NSUN7: variants seen among roughly 807,000 people sequenced by gnomAD.
The protein encoded by NSUN7 is NOP2/Sun RNA methyltransferase family member 7.
A neutral mutation model predicts 58.5 loss-of-function variants in NSUN7; 39 were observed. The observed-to-expected ratio is 0.67, with a 90% CI of 0.52 to 0.87. The LOEUF (loss-of-function observed/expected upper bound fraction) is 0.87. Ranked by LOEUF, NSUN7 falls within the 40% of genes least tolerant of loss-of-function variation. NSUN7 has a pLI of 0.00. For synonymous variants in NSUN7, 278 were observed against 303.7 expected, an observed-to-expected ratio of 0.92 and a Z score of 0.88; for missense variants, 765 against 844.1, an observed-to-expected ratio of 0.91 and a Z score of 1.16.
At position 40,774,319 on chromosome 4, in the gene NSUN7, C is replaced by T; in HGVS notation, c.543C>T (p.Ala181=). The change falls in exon 5 of 12, where the codon GCC becomes GCT. Residue 181 remains alanine (A), a synonymous_variant. Coordinates refer to ENST00000381782, the MANE Select transcript of NSUN7 (RefSeq NM_024677.6). Reference sequence around the variant, plus strand: ...CAAGATGTCGAATCAAGCATGATGCCCTTTCAATTTACCACATCCTTCCAG... The same window carrying T: ...CAAGATGTCGAATCAAGCATGATGCTCTTTCAATTTACCACATCCTTCCAG... ...ALARCRIKHD[A]LSIYHILPET... is the part of the protein sequence containing the mutation. The T allele has an allele frequency of 6.2e-7, 1 of 1,613,870 alleles. No homozygotes were observed. Among genetic ancestry groups the T allele is most frequent in the Admixed American group, 1.7e-5 (1 of 60,006 alleles).
intron 9 of NSUN7, among the ~76,000 whole-genome samples, chr4:40,798,232 G>C (rs1743406881): frequency 6.6e-6 from 1 of 152,168 alleles, no homozygotes; most frequent in Non-Finnish European, 1.5e-5. Flanking sequence ...AAGGATTTTT[G>C]TTTGTGTTAT....
chr4:40,760,412 A>G (rs767127603), intron 2 of NSUN7, 22 bp from the exon 3 acceptor site: 3 of 1,592,966 alleles, frequency 1.9e-6, no homozygotes, highest in Non-Finnish European at 2.6e-6. Context: ...TTTCAGTAAC[A>G]GGCCTTTCCC....
At chr4:40,776,291 A>G in intron 7 of NSUN7, 32 bp downstream of exon 7, 1 of 1,420,900 alleles carries the variant, frequency 7.0e-7, no homozygotes, top group South Asian at 1.3e-5. Flanking sequence ...TTTGGTGATT[A>G]TTGTTCTGCA....
intron 10 of NSUN7, among the ~76,000 whole-genome samples, chr4:40,800,670 G>T (rs1357034907): frequency 1.3e-5 from 2 of 151,922 alleles, no homozygotes; most frequent in Non-Finnish European, 2.9e-5. Context: ...TATATATCTT[G>T]TTCTTTATTT....
At chr4:40,791,765 G>A (rs957208827) in intron 8 of NSUN7, among the ~76,000 whole-genome samples, 9 of 152,170 alleles carry the variant, frequency 5.9e-5, no homozygotes, top group African/African-American at 2.2e-4. Context: ...AGGGAAAAGA[G>A]CTAATATTTA....
At position 40,756,741 on chromosome 4, in the gene NSUN7, T is replaced by C. The variant is rs73144620; in HGVS notation, c.299-3693T>C. ...GTTGTGGAGATTAAATGAATTAATA[T>C]ATGAAATGCACTTAGAACATTGTCA... On this transcript the variant is annotated intron_variant, in intron 2 of 11. Transcript: ENST00000381782. 3.0e-3 allele frequency among the ~76,000 whole-genome samples: 456 copies of C among 152,266 alleles called. 4 individuals are homozygous for C. The highest frequency in any genetic ancestry group is 0.011 in the African/African-American group (439 of 41,534).
intron 8 of NSUN7, among the ~76,000 whole-genome samples, chr4:40,791,195 A>G (rs1743059460): frequency 6.6e-6 from 1 of 152,370 alleles, no homozygotes; most frequent in East Asian, 1.9e-4. Context: ...TTAAATCATT[A>G]TCAGATTATT....
At chr4:40,756,059 A>G (rs1323086846) in intron 2 of NSUN7, among the ~76,000 whole-genome samples, 1 of 152,152 alleles carries the variant, frequency 6.6e-6, no homozygotes, top group East Asian at 1.9e-4. Flanking sequence ...TCAGAGACCA[A>G]GCCGATACTG....
In NSUN7 at chr4:40,798,452, A is replaced by T. The variant is rs1041722415; in HGVS notation, c.1283-335A>T. Among the ~76,000 whole-genome samples the T allele has an allele frequency of 2.0e-5, 3 of 152,246 alleles. No homozygotes were observed. The East Asian group carries it at 5.8e-4, about 29-fold the overall frequency. ...GTCTGTTTCTAGAGTCCTTTAAACT[A>T]TTTAGGCAATATCGCTTGTAGAAGA... On this transcript the variant is annotated intron_variant, in intron 9 of 11. Coordinates refer to ENST00000381782, the MANE Select transcript of NSUN7 (RefSeq NM_024677.6).
At position 40,779,163 on chromosome 4, in the gene NSUN7, TA is replaced by T. The variant is rs113768278; in HGVS notation, c.1036+2914del. Among the ~76,000 whole-genome samples the T allele has an allele frequency of 1.6e-4, 24 of 147,604 alleles. No individual in the cohort carries two copies. In the East Asian group the frequency reaches 1.8e-3, roughly 11 times the overall value. On this transcript the variant is annotated intron_variant, in intron 7 of 11. Transcript: ENST00000381782. ...AGTGAGACACTGTCTCTACTAAAAA[TA>T]AAAAAAAAATAGCTGGATGTAGTGA...
At chr4:40,783,843 AT>A (rs199566352) in intron 7 of NSUN7, among the ~76,000 whole-genome samples, 3 of 150,844 alleles carry the variant, frequency 2.0e-5, no homozygotes, top group African/African-American at 7.3e-5. Context: ...GCGAGAATCC[AT>A]TTAAAAAAAA....
chr4:40,768,104 G>A (rs929238946), intron 4 of NSUN7, among the ~76,000 whole-genome samples: 1 of 152,082 alleles, frequency 6.6e-6, no homozygotes, highest in African/African-American at 2.4e-5. Flanking sequence ...TGCCTTCTAG[G>A]GCTTGAGACT....
intron 7 of NSUN7, among the ~76,000 whole-genome samples, chr4:40,779,497 A>G (rs1236413053): frequency 6.6e-6 from 1 of 152,112 alleles, no homozygotes; most frequent in South Asian, 2.1e-4. Flanking sequence ...CCAGCTACTC[A>G]TGAGGCTGAG....
At chr4:40,768,728 G>T (rs575778197) in intron 4 of NSUN7, among the ~76,000 whole-genome samples, 2 of 151,988 alleles carry the variant, frequency 1.3e-5, no homozygotes, top group Admixed American at 1.3e-4. Flanking sequence ...CATATGAAAG[G>T]TCTTTAAGAA....
chr4:40,790,446 G>A (rs79583798), intron 7 of NSUN7, among the ~76,000 whole-genome samples, 156 bp from the exon 8 acceptor site: 43,711 of 152,056 alleles, frequency 0.29, 6,688 homozygotes, highest in Non-Finnish European at 0.34. Flanking sequence ...ACTTTGGGTA[G>A]ATATCAGAGA....
intron 7 of NSUN7, among the ~76,000 whole-genome samples, chr4:40,780,802 TATATA>T (rs1742510039): frequency 1.9e-5 from 2 of 102,912 alleles, no homozygotes; most frequent in Non-Finnish European, 3.9e-5. Context: ...CATATATATA[TATATA>T]TATATATTTT....
Position 40,791,514 on chromosome 4 carries a change from G to A in NSUN7, c.1180+769G>A, listed in dbSNP as rs555583950. Among the ~76,000 whole-genome samples the A allele has an allele frequency of 1.1e-4, 16 of 152,232 alleles. No individual in the cohort carries two copies. In the East Asian group the frequency reaches 2.3e-3, roughly 22 times the overall value. On this transcript the variant is annotated intron_variant, in intron 8 of 11. Coordinates refer to ENST00000381782, the MANE Select transcript of NSUN7 (RefSeq NM_024677.6). ...TCCTAGGATCATTGGGCTAGTAAGAGGCAGAGCTTGGATTCAAATACAACC... is the reference window on the plus strand; with the variant it reads ...TCCTAGGATCATTGGGCTAGTAAGAAGCAGAGCTTGGATTCAAATACAACC...
Position 40,798,856 on chromosome 4 carries a change from A to C in NSUN7, c.1352A>C (p.Lys451Thr). Reference sequence around the variant, plus strand: ...CCAGAAGAAAATGAAGCTGTTGTTAAGAAAGCACTGGAATTTCAAGACCTT... The same window carrying C: ...CCAGAAGAAAATGAAGCTGTTGTTACGAAAGCACTGGAATTTCAAGACCTT... ...VFPEENEAVV[K>T]KALEFQDLGN... Residue 451 changes from lysine to threonine, a missense_variant, in exon 10 of 12, where the codon AAG becomes ACG. By Grantham distance (78) the Lys-to-Thr change is moderately conservative. Coordinates refer to ENST00000381782, the MANE Select transcript of NSUN7 (RefSeq NM_024677.6). The C allele has an allele frequency of 6.2e-7, 1 of 1,612,766 alleles. No individual in the cohort carries two copies. The highest frequency in any genetic ancestry group is 8.5e-7 in the Non-Finnish European group (1 of 1,179,192).
chr4:40,796,799 G>A (rs2154288963), intron 9 of NSUN7, among the ~76,000 whole-genome samples: 1 of 152,182 alleles, frequency 6.6e-6, no homozygotes. Flanking sequence ...CTCACTCTGT[G>A]CTCTCTAGAA....
Sources: gnomAD v4.1 joint callset for allele counts (sites outside exome capture counted in the v4.1 genomes callset) on GRCh38, gnomAD v4.1.1 for gene constraint, MANE v1.5 for transcripts, NCBI Gene and HGNC (gene_info 2026-07-23, HGNC 2026-07-21) for gene names.